Variants in DYNC2I1 observed in about 807,000 individuals in gnomAD.
The protein encoded by DYNC2I1 is dynein 2 intermediate chain 1, also known as cytoplasmic dynein 2 intermediate chain 1.
Under a neutral mutation model 133.4 loss-of-function variants are expected in DYNC2I1, and 89 were observed. The ratio of observed to expected loss-of-function variants is 0.67; its 90% CI spans 0.56 to 0.80. The LOEUF (loss-of-function observed/expected upper bound fraction) is 0.80, where lower values mean the gene tolerates loss of function less well. DYNC2I1 is among the 30% of genes least tolerant of loss of function. The pLI is 0.00. For missense variants in DYNC2I1, 1,291 were observed against 1,314.5 expected (o/e 0.98, Z 0.28); for synonymous variants, 504 against 484.3 (o/e 1.04, Z -0.54).
intron 22 of DYNC2I1, 83 bp from the exon 23 acceptor site, chr7:158,934,335 T>G: frequency 6.5e-7 from 1 of 1,541,392 alleles, no homozygotes; most frequent in East Asian, 2.3e-5. Context: ...TTTATAAAGT[T>G]TAAATTGTTT....
chr7:158,927,289 A>C (rs1035572323), intron 20 of DYNC2I1, among the ~76,000 whole-genome samples: 24 of 151,778 alleles, frequency 1.6e-4, no homozygotes, highest in African/African-American at 5.6e-4. Context: ...TGTAGTCCCA[A>C]CTGCTTGGGA....
chr7:158,849,995 G>C, the DYNC2I1 span, among the ~76,000 whole-genome samples: 1 of 152,162 alleles, frequency 6.6e-6, no homozygotes, highest in African/African-American at 2.4e-5. Context: ...TTTTGCCCAG[G>C]AATCAATCTG....
At chr7:158,936,416 C>A (rs2129488100) in intron 23 of DYNC2I1, among the ~76,000 whole-genome samples, 1 of 152,232 alleles carries the variant, frequency 6.6e-6, no homozygotes. Context: ...AACTGGGCTT[C>A]CATATCCACA....
chr7:158,952,146 G>A (rs1181634670), intron 4 of DYNC2I1, among the ~76,000 whole-genome samples: 1 of 152,204 alleles, frequency 6.6e-6, no homozygotes, highest in Non-Finnish European at 1.5e-5. Flanking sequence ...GCCCAGAGGG[G>A]CTTCCGAGGA....
intron 5 of DYNC2I1, among the ~76,000 whole-genome samples, chr7:158,883,854 C>T (rs1431989672): frequency 2.7e-5 from 4 of 148,276 alleles, no homozygotes; most frequent in Non-Finnish European, 6.0e-5. Context: ...TTAGTAGAGA[C>T]GGAGTTTCAC....
chr7:158,929,013 T>C (rs928572308), intron 20 of DYNC2I1, among the ~76,000 whole-genome samples: 8 of 152,258 alleles, frequency 5.3e-5, no homozygotes, highest in Non-Finnish European at 1.0e-4. Context: ...ACAAATGTTT[T>C]GTAGTACATG....
chr7:158,905,292 C>CA (rs1846679710), intron 10 of DYNC2I1: 2 of 312,032 alleles, frequency 6.4e-6, no homozygotes, highest in African/African-American at 2.2e-5. Flanking sequence ...AGGTGCTCGT[C>CA]ACCATGCCTG....
intron 1 of DYNC2I1, 147 bp from the exon 2 acceptor site, chr7:158,869,707 TA>T (rs1842711906): frequency 1.6e-6 from 1 of 618,126 alleles, no homozygotes; most frequent in Admixed American, 3.0e-5. Context: ...GTATTTCTGT[TA>T]CCTTTTATTC....
At chr7:158,908,808 G>A (rs909639660) in intron 11 of DYNC2I1, among the ~76,000 whole-genome samples, 1 of 152,190 alleles carries the variant, frequency 6.6e-6, no homozygotes, top group African/African-American at 2.4e-5. Flanking sequence ...ATACCTGTCG[G>A]TGGCTCAAGG....
At chr7:158,903,481 C>G (rs1407327499) in intron 10 of DYNC2I1, 1 of 152,102 alleles carries the variant, frequency 6.6e-6, no homozygotes, top group Non-Finnish European at 1.5e-5. Flanking sequence ...TAATATGATG[C>G]ACTAATACAA....
chr7:158,865,838 C>A (rs191307046), intron 1 of DYNC2I1, among the ~76,000 whole-genome samples: 1 of 152,172 alleles, frequency 6.6e-6, no homozygotes, highest in African/African-American at 2.4e-5. Flanking sequence ...AAGTGGGGAC[C>A]GACAGCACCG....
At chr7:158,864,674 A>AT (rs549904988) in intron 1 of DYNC2I1, among the ~76,000 whole-genome samples, 9,374 of 144,418 alleles carry the variant, frequency 0.065, 371 homozygotes, top group African/African-American at 0.11. Context: ...TGCTTGGCTG[A>AT]TTTTTTTTTT....
chr7:158,869,782 A>C, intron 1 of DYNC2I1, 73 bp from the exon 2 acceptor site: 1 of 1,190,644 alleles, frequency 8.4e-7, no homozygotes, highest in Non-Finnish European at 1.2e-6. Context: ...AAATGGCATA[A>C]TGAAAAAGCA....
At chr7:158,901,986 TCTA>T (rs768749406) in intron 9 of DYNC2I1, among the ~76,000 whole-genome samples, 170 bp downstream of exon 9, 1 of 152,226 alleles carries the variant, frequency 6.6e-6, no homozygotes, top group South Asian at 2.1e-4. Context: ...TTGCTATACT[TCTA>T]CTAATACTTA....
intron 1 of DYNC2I1, among the ~76,000 whole-genome samples, chr7:158,863,511 A>C (rs1291192785): frequency 1.3e-5 from 2 of 151,644 alleles, no homozygotes; most frequent in Non-Finnish European, 2.9e-5. Context: ...CTGAGTCAAG[A>C]GGTCATAAAG....
chr7:158,906,842 A>G (rs1476603891), intron 11 of DYNC2I1, among the ~76,000 whole-genome samples: 3 of 152,250 alleles, frequency 2.0e-5, no homozygotes, highest in African/African-American at 7.2e-5. Context: ...TACTCAATAA[A>G]TATTTACTAA....
Position 158,954,501 on chromosome 7 carries a change from A to G in DYNC2I1, c.*57-2082A>G, listed in dbSNP as rs138878833. On this transcript the variant is annotated intron_variant and NMD_transcript_variant, in intron 4 of 4. Transcript: ENST00000454771. ...CATCTCTCCTAAAAATATAAAAATTAGATGGGTGTGGAGGTGTGTGCCTGT... is the reference window on the plus strand; with the variant it reads ...CATCTCTCCTAAAAATATAAAAATTGGATGGGTGTGGAGGTGTGTGCCTGT... Among the ~76,000 whole-genome samples the G allele has an allele frequency of 4.2e-3, 641 of 152,306 alleles. 7 individuals carry two copies. Among genetic ancestry groups the G allele is most frequent in the African/African-American group, 0.015 (615 of 41,566 alleles).
intron 1 of DYNC2I1, among the ~76,000 whole-genome samples, chr7:158,867,423 A>G (rs1842504844): frequency 6.6e-6 from 1 of 152,186 alleles, no homozygotes; most frequent in Admixed American, 6.5e-5. Context: ...AGCGGCACAG[A>G]AGAAGGAGCT....
At chr7:158,909,467 G>A (rs1345856723) in intron 11 of DYNC2I1, among the ~76,000 whole-genome samples, 4 of 151,762 alleles carry the variant, frequency 2.6e-5, no homozygotes, top group African/African-American at 4.8e-5. Context: ...GTATCAAAAC[G>A]ATGGATACTC....
Sources: gnomAD v4.1 joint callset for allele counts (sites outside exome capture counted in the v4.1 genomes callset) on GRCh38, gnomAD v4.1.1 for gene constraint, MANE v1.5 for transcripts, NCBI Gene and HGNC (gene_info 2026-07-23, HGNC 2026-07-21) for gene names.